The following MEF2A variants were observed in gnomAD, a reference collection of about 807,000 sequenced individuals.
MEF2A encodes myocyte-specific enhancer factor 2A.
In MEF2A, 28 loss-of-function variants were observed where a neutral mutation model predicts 55.8. That is an observed-to-expected ratio of 0.50 (90% CI 0.37 to 0.69). The LOEUF (loss-of-function observed/expected upper bound fraction) is 0.69. Among genes scored for constraint, MEF2A ranks in the 30% least tolerant of loss-of-function variants. MEF2A has a pLI of 0.00. For missense variants in MEF2A, 528 were observed against 626.2 expected (o/e 0.84, Z 1.67); for synonymous variants, 239 against 227.1 (o/e 1.05, Z -0.47).
intron 1 of MEF2A, among the ~76,000 whole-genome samples, chr15:99,572,056 AT>A (rs1962580133): frequency 1.6e-5 from 2 of 121,296 alleles, no homozygotes; most frequent in African/African-American, 6.3e-5. Flanking sequence ...CCTGAGAATT[AT>A]TTTAAGAGCC....
chr15:99,579,229 C>G (rs143942925), intron 1 of MEF2A, among the ~76,000 whole-genome samples: 523 of 151,250 alleles, frequency 3.5e-3, no homozygotes, highest in Non-Finnish European at 5.5e-3. Context: ...CGGTAGTTTT[C>G]ATATCATCAA....
At chr15:99,598,396 CAAT>C (rs1971941337) in intron 1 of MEF2A, 31 bp from the exon 2 acceptor site, 3 of 152,146 alleles carry the variant, frequency 2.0e-5, no homozygotes, top group Non-Finnish European at 4.4e-5. Context: ...GAGTCAAGAA[CAAT>C]AATGCATCTC....
chr15:99,647,380 G>A (rs2046133149), intron 4 of MEF2A, among the ~76,000 whole-genome samples: 1 of 151,920 alleles, frequency 6.6e-6, no homozygotes, highest in Non-Finnish European at 1.5e-5. Context: ...CTTTGATAAT[G>A]TCAGCAAATA....
At chr15:99,620,496 G>A (rs1057049336) in intron 2 of MEF2A, among the ~76,000 whole-genome samples, 14 of 152,146 alleles carry the variant, frequency 9.2e-5, no homozygotes, top group Non-Finnish European at 5.9e-5. Context: ...AGCTGCCTCC[G>A]TGTTGCTGCA....
intron 3 of MEF2A, among the ~76,000 whole-genome samples, chr15:99,637,782 A>G (rs1005517103): frequency 6.6e-6 from 1 of 152,114 alleles, no homozygotes; most frequent in Non-Finnish European, 1.5e-5. Flanking sequence ...AGCTGGGATT[A>G]CAGGCGCCTG....
At chr15:99,597,503 TC>T (rs1157323635) in intron 1 of MEF2A, among the ~76,000 whole-genome samples, 1 of 94,564 alleles carries the variant, frequency 1.1e-5, no homozygotes, top group African/African-American at 2.9e-5. Context: ...TTCACCTCGG[TC>T]CTGTGGTCCT....
intron 2 of MEF2A, among the ~76,000 whole-genome samples, chr15:99,619,815 G>A (rs750789554): frequency 2.4e-4 from 37 of 152,202 alleles, no homozygotes; most frequent in Non-Finnish European, 4.0e-4. Flanking sequence ...CTTAGAAATT[G>A]TCAGGTGCCA....
intron 7 of MEF2A, among the ~76,000 whole-genome samples, chr15:99,678,380 G>A (rs1386088456): frequency 1.3e-5 from 2 of 152,134 alleles, no homozygotes; most frequent in African/African-American, 4.8e-5. Flanking sequence ...TGTTTATTCT[G>A]TATTATAAGC....
intron 1 of MEF2A, chr15:99,566,541 G>T (rs888422943): frequency 2.0e-5 from 3 of 152,232 alleles, no homozygotes; most frequent in Non-Finnish European, 4.4e-5. Context: ...GGGCCGGGGG[G>T]CGGTGGTGGA....
chr15:99,617,216 C>T (rs191731571), intron 2 of MEF2A, among the ~76,000 whole-genome samples: 1 of 150,974 alleles, frequency 6.6e-6, no homozygotes, highest in East Asian at 1.9e-4. Flanking sequence ...CAGTCAACTT[C>T]AGAACTGTAT....
Position 99,599,190 on chromosome 15 carries a change from C to T in MEF2A, c.-143+679C>T, listed in dbSNP as rs1286111916. 2.6e-5 allele frequency among the ~76,000 whole-genome samples: 4 copies of T among 152,150 alleles called. No individual in the cohort carries two copies. In the East Asian group the frequency reaches 7.7e-4, roughly 29 times the overall value. The stretch of plus-strand genomic sequence containing the variant: ...AAAGTTTTCATGAGTGAAACCTTAC[C>T]TGAATTCCACCTTCTACTTAAAATG... On this transcript the variant is annotated intron_variant, in intron 2 of 11. Transcript: ENST00000557942.
Position 99,712,531 on chromosome 15 carries a change from G to GCCGCCGC in MEF2A, c.1279_1280insCGCCGCC (p.Gln427ProfsTer36), listed in dbSNP as rs1332139237. The GCCGCCGC allele has an allele frequency of 5.2e-6, 8 of 1,535,258 alleles. No homozygotes were observed. Among genetic ancestry groups the GCCGCCGC allele is most frequent in the South Asian group, 3.6e-5 (3 of 83,084 alleles). On this transcript the variant is annotated frameshift_variant, in exon 12 of 12. Coordinates refer to ENST00000557942, the MANE Select transcript of MEF2A (RefSeq NM_001319206.4). LOFTEE classifies it high-confidence loss of function. The surrounding 1 kb of genome is among the most constrained non-coding windows in gnomAD (Gnocchi z 4.1). The stretch of plus-strand genomic sequence containing the variant: ...AGCAGCAGCAGCAGCAGCAGCAGCA[G>GCCGCCGC]CAGCAGCCGCCGCCACCACCGCAGC...
At chr15:99,571,776 C>G (rs1962420815) in intron 1 of MEF2A, among the ~76,000 whole-genome samples, 1 of 152,094 alleles carries the variant, frequency 6.6e-6, no homozygotes, top group African/African-American at 2.4e-5. Context: ...TGGCATTCCC[C>G]ATATCCATAA....
At chr15:99,645,792 TG>T in intron 4 of MEF2A, 28 bp downstream of exon 4, 1 of 1,469,606 alleles carries the variant, frequency 6.8e-7, no homozygotes, top group Non-Finnish European at 9.3e-7. Flanking sequence ...ATACGTGAAT[TG>T]CAAGTAATAC....
chr15:99,706,568 T>C (rs547853890), intron 9 of MEF2A, 161 bp from the exon 10 acceptor site: 3 of 686,140 alleles, frequency 4.4e-6, no homozygotes, highest in African/African-American at 1.8e-5. Flanking sequence ...AAATTAAATA[T>C]TTAGTTATTC....
At chr15:99,708,199 G>GCAGGA (rs1314114197) in intron 10 of MEF2A, among the ~76,000 whole-genome samples, 1 of 152,212 alleles carries the variant, frequency 6.6e-6, no homozygotes, top group African/African-American at 2.4e-5. Flanking sequence ...AAGTGAGGAG[G>GCAGGA]CAGGACATAC....
At chr15:99,707,951 T>C (rs11247122) in intron 10 of MEF2A, among the ~76,000 whole-genome samples, 135,454 of 151,888 alleles carry the variant, frequency 0.89, 62,531 homozygotes, top group East Asian at 1. Context: ...AAAAAAAAAG[T>C]CTCTTAGGAA....
At chr15:99,594,302 A>G (rs2581464) in intron 1 of MEF2A, among the ~76,000 whole-genome samples, 32,673 of 152,080 alleles carry the variant, frequency 0.21, 4,125 homozygotes, top group South Asian at 0.33. Flanking sequence ...CCCATTTATC[A>G]TGAAGGATAT....
chr15:99,617,525 A>G (rs1443705037), intron 2 of MEF2A, among the ~76,000 whole-genome samples: 3 of 152,208 alleles, frequency 2.0e-5, no homozygotes, highest in East Asian at 1.9e-4. Context: ...CCTTTTGGGA[A>G]CAGATTATAA....
Sources: gnomAD v4.1 joint callset for allele counts (sites outside exome capture counted in the v4.1 genomes callset) on GRCh38, gnomAD v4.1.1 for gene constraint, Gnocchi (gnomAD v3.1) non-coding constraint, MANE v1.5 for transcripts, NCBI Gene and HGNC (gene_info 2026-07-23, HGNC 2026-07-21) for gene names.